TRIM37: variants seen among roughly 807,000 people sequenced by gnomAD.
TRIM37 encodes E3 ubiquitin-protein ligase TRIM37.
A neutral mutation model predicts 129.8 loss-of-function variants in TRIM37; 80 were observed. That is an observed-to-expected ratio of 0.62 (90% CI 0.51 to 0.74). The LOEUF (loss-of-function observed/expected upper bound fraction) is 0.74. Ranked by LOEUF, TRIM37 falls within the 30% of genes least tolerant of loss-of-function variation. The probability of loss-of-function intolerance (pLI) is 0.00; values close to 1 mark genes in which losing one functional copy is unlikely to be tolerated. For missense variants in TRIM37, 1,054 were observed against 1,176.5 expected, an observed-to-expected ratio of 0.90 and a Z score of 1.52; for synonymous variants, 389 against 387.1, an observed-to-expected ratio of 1.00 and a Z score of -0.06.
intron 2 of TRIM37, among the ~76,000 whole-genome samples, chr17:59,100,314 T>C (rs942136977): frequency 1.3e-5 from 2 of 152,234 alleles, no homozygotes; most frequent in African/African-American, 4.8e-5. Flanking sequence ...GCAGCAATTT[T>C]CACTGTAATA....
At chr17:59,019,325 G>A (rs1168286464) in intron 19 of TRIM37, among the ~76,000 whole-genome samples, 1 of 152,164 alleles carries the variant, frequency 6.6e-6, no homozygotes, top group East Asian at 1.9e-4. Flanking sequence ...GACATAAAAA[G>A]GAATATATGC....
chr17:59,015,938 T>TAC, intron 20 of TRIM37, 139 bp from the exon 21 acceptor site: 2 of 722,362 alleles, frequency 2.8e-6, no homozygotes, highest in Non-Finnish European at 4.8e-6. Flanking sequence ...GAGATTGTGC[T>TAC]ACACTCCAGC....
chr17:58,977,684 A>G (rs12945162), downstream of TRIM37, among the ~76,000 whole-genome samples: 3 of 152,292 alleles, frequency 2.0e-5, no homozygotes, highest in East Asian at 1.9e-4. Context: ...AGAGTTATCC[A>G]TAGGGTTCCT....
At chr17:59,086,247 T>C (rs905274652) in intron 4 of TRIM37, among the ~76,000 whole-genome samples, 1 of 151,982 alleles carries the variant, frequency 6.6e-6, no homozygotes, top group African/African-American at 2.4e-5. Flanking sequence ...AATTTTTTTT[T>C]TTTTTTTTGA....
chr17:59,041,191 C>T (rs2039116898), intron 17 of TRIM37, among the ~76,000 whole-genome samples: 3 of 152,162 alleles, frequency 2.0e-5, no homozygotes. Flanking sequence ...CAAAAAAGTA[C>T]TCATTATATA....
chr17:59,035,018 A>AT (rs2038303510), intron 17 of TRIM37, among the ~76,000 whole-genome samples: 1 of 152,110 alleles, frequency 6.6e-6, no homozygotes, highest in Admixed American at 6.5e-5. Context: ...ATTCATCTAT[A>AT]TGGCTGTATA....
chr17:59,070,905 C>T lies in TRIM37; in HGVS notation c.727G>A (p.Glu243Lys), dbSNP rs537036650. 6.2e-7 allele frequency: 1 copy of T among 1,614,048 alleles called. No individual in the cohort carries two copies. Among genetic ancestry groups the T allele is most frequent in the South Asian group, 1.1e-5 (1 of 91,076 alleles). Residue 243 changes from glutamate to lysine, a missense_variant, in exon 9 of 24, where the codon GAG becomes AAG. Physicochemically the swap from Glu to Lys is moderately conservative, Grantham distance 56 (BLOSUM62 1). Coordinates refer to ENST00000262294, the MANE Select transcript of TRIM37 (RefSeq NM_015294.6). ...ACTTGCTGAAACATCATAAGGATCT[C>T]TGAGCTCTTAGATATCAACTCACTC... ...SKSELISKSS[E>K]ILMMFQQVHR...
intron 13 of TRIM37, 27 bp downstream of exon 13, chr17:59,056,848 A>G (rs369410047): frequency 1.2e-6 from 2 of 1,605,144 alleles, no homozygotes; most frequent in Admixed American, 3.3e-5. Flanking sequence ...CACAATAAAA[A>G]CCACAACATC....
At chr17:58,980,076 A>G, downstream of TRIM37, 2 of 1,614,128 alleles carry the variant, frequency 1.2e-6, no homozygotes, top group Middle Eastern at 1.6e-4. This position sits in a 1 kb window ranked among gnomAD's most constrained non-coding sequence, Gnocchi z 4.7. Flanking sequence ...GATGGCTTCT[A>G]TGACACCGTG....
chr17:59,062,972 AC>A (rs2041623870), intron 10 of TRIM37, among the ~76,000 whole-genome samples: 1 of 152,208 alleles, frequency 6.6e-6, no homozygotes, highest in Admixed American at 6.5e-5. Flanking sequence ...AGCAGTCTTC[AC>A]CATTAAAAAT....
In TRIM37 at chr17:59,051,251, T is replaced by C. The variant is rs2040314305; in HGVS notation, c.1277A>G (p.Gln426Arg). 6.2e-7 allele frequency: 1 copy of C among 1,613,744 alleles called. No homozygotes were observed. Among genetic ancestry groups the C allele is most frequent in the African/African-American group, 1.3e-5 (1 of 74,922 alleles). The change falls in exon 14 of 24, where the codon CAG becomes CGG. Residue 426 changes from glutamine (Q) to arginine (R), a missense_variant. Gln to Arg is a conservative substitution (Grantham distance 43). Around this residue, in one of 3 missense-constraint regions of TRIM37, gnomAD observed 752 missense variants for 870.8 expected, o/e 0.86. Transcript: ENST00000262294. ...GTTTATTTGTTGGATATAACTAGTC[T>C]GTGCAGCTTCCAACTGAGTAATGTA... ...HWYITQLEAA[Q>R]TSYIQQINNL...
Position 58,986,953 on chromosome 17 carries a change from CA to C in TRIM37, c.2892-4033del, listed in dbSNP as rs2031877404. 3.3e-5 allele frequency among the ~76,000 whole-genome samples: 5 copies of C among 152,216 alleles called. No individual in the cohort carries two copies. In the South Asian group the frequency reaches 1.0e-3, roughly 32 times the overall value. ...AAGTCACATTCTTTTCTGAGAGCCC[CA>C]ACTGTTGAATATGTTTAGTAAGAAG... On this transcript the variant is annotated intron_variant, in intron 24 of 24. Coordinates refer to the TRIM37 transcript ENST00000393066.
intron 11 of TRIM37, among the ~76,000 whole-genome samples, chr17:59,061,611 T>C (rs921484229): frequency 6.6e-6 from 1 of 152,160 alleles, no homozygotes; most frequent in African/African-American, 2.4e-5. Flanking sequence ...ATAGATTTTA[T>C]TTTTATAAAG....
intron 17 of TRIM37, among the ~76,000 whole-genome samples, chr17:59,037,626 G>A (rs1280863409): frequency 1.4e-5 from 2 of 147,320 alleles, no homozygotes; most frequent in Non-Finnish European, 3.0e-5. Context: ...ATAGTTTTAG[G>A]TTTACAGGAA....
At chr17:59,097,020 C>A (rs1414718610) in intron 2 of TRIM37, among the ~76,000 whole-genome samples, 1 of 152,180 alleles carries the variant, frequency 6.6e-6, no homozygotes, top group South Asian at 2.1e-4. Context: ...AAAACCCCCA[C>A]TATGATCATC....
Position 59,015,896 on chromosome 17 carries a change from T to C in TRIM37, c.2387-97A>G. On this transcript the variant is annotated intron_variant, in intron 20 of 23. Transcript: ENST00000262294. ...TGGGAGGTTGAAACACAAGGATCAC[T>C]TGAACCTGGGAGGCGGAGGTTGCAG... The C allele has an allele frequency of 4.1e-6, 5 of 1,233,936 alleles. No homozygotes were observed. The South Asian group carries it at 5.1e-5, about 13-fold the overall frequency. 76.4% of individuals were successfully genotyped at this position (1,233,936 alleles called of 1,614,324 possible). A position where few individuals can be genotyped will look rare whatever the true frequency, so the allele number is the denominator to read the frequency against.
intron 2 of TRIM37, among the ~76,000 whole-genome samples, chr17:59,093,657 G>A (rs947030621): frequency 6.6e-6 from 1 of 152,194 alleles, no homozygotes; most frequent in Admixed American, 6.5e-5. Context: ...ATGATAGGGA[G>A]TAACCAGATC....
intron 5 of TRIM37, among the ~76,000 whole-genome samples, chr17:59,082,766 T>A (rs1004205304): frequency 6.6e-6 from 1 of 152,222 alleles, no homozygotes; most frequent in African/African-American, 2.4e-5. Context: ...AGCCAAAGTA[T>A]CCCATTATTG....
intron 8 of TRIM37, 61 bp from the exon 9 acceptor site, chr17:59,071,008 T>C: frequency 6.3e-7 from 1 of 1,586,150 alleles, no homozygotes; most frequent in Non-Finnish European, 8.6e-7. Context: ...ACCTCAAAAT[T>C]CTTAAGAAAT....
Sources: gnomAD v4.1 joint callset for allele counts (sites outside exome capture counted in the v4.1 genomes callset) on GRCh38, gnomAD v4.1.1 for gene constraint, gnomAD v4.1.1 regional missense constraint, Gnocchi (gnomAD v3.1) non-coding constraint, MANE v1.5 for transcripts, NCBI Gene and HGNC (gene_info 2026-07-23, HGNC 2026-07-21) for gene names.